Variants in LUZP2 observed in about 807,000 individuals in gnomAD.
LUZP2 encodes leucine zipper protein 2.
A neutral mutation model predicts 51.6 loss-of-function variants in LUZP2; 52 were observed. The ratio of observed to expected loss-of-function variants is 1.01; its 90% CI spans 0.81 to 1.27. LUZP2 has a LOEUF of 1.27. LUZP2 is among the 50% of genes most tolerant of loss of function. The pLI is 0.00. For synonymous variants in LUZP2, 154 were observed against 137.3 expected (o/e 1.12, Z -0.85); for missense variants, 436 against 395.4 (o/e 1.10, Z -0.87).
chr11:24,635,250 A>C (rs1209292327), intron 1 of LUZP2, among the ~76,000 whole-genome samples: 1 of 152,158 alleles, frequency 6.6e-6, no homozygotes, highest in Non-Finnish European at 1.5e-5. Context: ...TTTTGTAAAT[A>C]AAAAGAAATA....
At chr11:24,967,650 C>T (rs868103392) in intron 7 of LUZP2, among the ~76,000 whole-genome samples, 5 of 151,502 alleles carry the variant, frequency 3.3e-5, no homozygotes, top group Admixed American at 6.6e-5. Context: ...CCTTTTTCTG[C>T]CATCTTCATT....
chr11:24,766,719 T>TAA (rs1860203882), intron 5 of LUZP2, among the ~76,000 whole-genome samples: 3 of 83,368 alleles, frequency 3.6e-5, no homozygotes, highest in Non-Finnish European at 8.3e-5. Flanking sequence ...AATCAAATGA[T>TAA]TATGTTTGAG....
At chr11:24,673,577 T>C (rs1305793216) in intron 1 of LUZP2, among the ~76,000 whole-genome samples, 3 of 152,088 alleles carry the variant, frequency 2.0e-5, no homozygotes, top group East Asian at 3.9e-4. Flanking sequence ...CTTCCTGAAA[T>C]TGAGAAACCC....
intron 1 of LUZP2, among the ~76,000 whole-genome samples, chr11:24,682,835 C>G (rs934914721): frequency 2.0e-5 from 3 of 151,968 alleles, no homozygotes; most frequent in South Asian, 2.1e-4. Flanking sequence ...GAAACCCCAT[C>G]TCTACTAAAA....
chr11:24,555,852 G>A (rs1332952810), intron 1 of LUZP2, among the ~76,000 whole-genome samples: 3 of 152,074 alleles, frequency 2.0e-5, no homozygotes, highest in South Asian at 2.1e-4. Flanking sequence ...AATGGTGTGC[G>A]CCTGTAGTCC....
chr11:24,542,594 A>G (rs1368776621), intron 1 of LUZP2, among the ~76,000 whole-genome samples: 1 of 151,908 alleles, frequency 6.6e-6, no homozygotes, highest in African/African-American at 2.4e-5. Flanking sequence ...GTAGATCTTT[A>G]ATTTTCATAA....
At chr11:24,941,357 C>T (rs911076574) in intron 7 of LUZP2, among the ~76,000 whole-genome samples, 7 of 152,046 alleles carry the variant, frequency 4.6e-5, no homozygotes, top group Non-Finnish European at 1.0e-4. Context: ...TTTAATGTGT[C>T]CATTTAGAGA....
chr11:24,757,546 G>T (rs1284796695), intron 4 of LUZP2, among the ~76,000 whole-genome samples: 1 of 151,952 alleles, frequency 6.6e-6, no homozygotes, highest in Admixed American at 6.6e-5. Context: ...ATTAATTCAA[G>T]AAGTTGGTTA....
intron 1 of LUZP2, among the ~76,000 whole-genome samples, chr11:24,534,973 C>T (rs535257447): frequency 1.3e-5 from 2 of 151,288 alleles, no homozygotes; most frequent in Non-Finnish European, 3.0e-5. Flanking sequence ...GGTTGGGCTC[C>T]AGACCACTTC....
intron 1 of LUZP2, among the ~76,000 whole-genome samples, chr11:24,522,725 G>A (rs559082197): frequency 3.3e-5 from 5 of 151,918 alleles, no homozygotes; most frequent in African/African-American, 9.7e-5. Context: ...ATATACAATC[G>A]TCTTTTTGAC....
intron 7 of LUZP2, among the ~76,000 whole-genome samples, chr11:24,946,231 C>A (rs2133855996): frequency 6.6e-6 from 1 of 151,998 alleles, no homozygotes; most frequent in East Asian, 1.9e-4. Context: ...CATTAGCTTG[C>A]CTCTACTTTT....
chr11:24,881,799 T>A (rs2134295871), intron 5 of LUZP2, among the ~76,000 whole-genome samples: 1 of 152,180 alleles, frequency 6.6e-6, no homozygotes, highest in South Asian at 2.1e-4. Context: ...TTTATAAAAT[T>A]TTTATGAAGA....
intron 1 of LUZP2, among the ~76,000 whole-genome samples, chr11:24,685,625 T>A (rs1477253867): frequency 6.6e-6 from 1 of 152,156 alleles, no homozygotes; most frequent in Admixed American, 6.6e-5. Flanking sequence ...AAAGCCTACT[T>A]GGGAATCTAC....
At chr11:24,499,956 C>G (rs1590106308) in intron 1 of LUZP2, among the ~76,000 whole-genome samples, 1 of 152,284 alleles carries the variant, frequency 6.6e-6, no homozygotes, top group African/African-American at 2.4e-5. Context: ...ATCTAGCCCA[C>G]AGCGACTATC....
At chr11:24,824,258 C>A (rs1590596746) in intron 5 of LUZP2, among the ~76,000 whole-genome samples, 1 of 141,588 alleles carries the variant, frequency 7.1e-6, no homozygotes, top group Non-Finnish European at 1.5e-5. Flanking sequence ...CCCAGCTACT[C>A]AGGAGGCTGA....
At chr11:25,021,318 G>T (rs1033968337) in intron 9 of LUZP2, among the ~76,000 whole-genome samples, 1 of 151,656 alleles carries the variant, frequency 6.6e-6, no homozygotes, top group East Asian at 1.9e-4. Flanking sequence ...AAAAAAGGAT[G>T]TTTTGGGAAG....
At chr11:24,867,194 G>A (rs1335025239) in intron 5 of LUZP2, among the ~76,000 whole-genome samples, 1 of 152,112 alleles carries the variant, frequency 6.6e-6, no homozygotes, top group Non-Finnish European at 1.5e-5. Context: ...TATGATCCCA[G>A]AGTAACTCCT....
chr11:24,596,192 A>G (rs1043358553), intron 1 of LUZP2, among the ~76,000 whole-genome samples: 2 of 152,314 alleles, frequency 1.3e-5, no homozygotes, highest in African/African-American at 2.4e-5. Context: ...TGAAGCATCA[A>G]TTCAGTAACC....
chr11:24,535,970 G>A (rs147337528), intron 1 of LUZP2, among the ~76,000 whole-genome samples: 2 of 151,672 alleles, frequency 1.3e-5, no homozygotes, highest in Non-Finnish European at 2.9e-5. Flanking sequence ...TAGGATGAAC[G>A]TTGTGTTAGC....
Sources: gnomAD v4.1 joint callset for allele counts (sites outside exome capture counted in the v4.1 genomes callset) on GRCh38, gnomAD v4.1.1 for gene constraint, MANE v1.5 for transcripts, NCBI Gene and HGNC (gene_info 2026-07-23, HGNC 2026-07-21) for gene names.